The following WWOX variants were observed in gnomAD, a reference collection of about 807,000 sequenced individuals.
WWOX encodes the protein WW domain-containing oxidoreductase.
A neutral mutation model predicts 46.2 loss-of-function variants in WWOX; 69 were observed. The observed-to-expected ratio is 1.49, with a 90% confidence interval of 1.23 to 1.82. WWOX has a LOEUF of 1.82. Ranked by LOEUF, WWOX falls within the 40% of genes most tolerant of loss-of-function variation. The pLI, the probability that WWOX is intolerant of heterozygous loss-of-function variation, is 0.00. For missense variants in WWOX, 919 were observed against 542.6 expected (o/e 1.69, Z -6.89); for synonymous variants, 359 against 202.6 (o/e 1.77, Z -6.56).
intron 8 of WWOX, among the ~76,000 whole-genome samples, chr16:78,901,985 A>G (rs940412862): frequency 2.0e-5 from 3 of 152,208 alleles, no homozygotes; most frequent in African/African-American, 7.2e-5. Context: ...TAAGTGGCAG[A>G]TTTGCCTTAG....
At chr16:78,364,442 G>C (rs1442136351) in intron 5 of WWOX, among the ~76,000 whole-genome samples, 1 of 122,864 alleles carries the variant, frequency 8.1e-6, no homozygotes, top group African/African-American at 2.7e-5. Context: ...CCTGCATGTA[G>C]CTTTTCCAGG....
At chr16:78,486,098 T>G (rs970073500) in intron 8 of WWOX, among the ~76,000 whole-genome samples, 3 of 151,914 alleles carry the variant, frequency 2.0e-5, no homozygotes, top group Non-Finnish European at 4.4e-5. Flanking sequence ...TGTGAGGGGG[T>G]GTGTGGTGGT....
intron 5 of WWOX, among the ~76,000 whole-genome samples, chr16:78,329,584 C>T (rs750480492): frequency 9.2e-5 from 14 of 152,158 alleles, no homozygotes; most frequent in Non-Finnish European, 1.8e-4. Context: ...TGGCATCTGG[C>T]AATGTCCCCA....
At chr16:78,171,173 G>A (rs2035146811) in intron 5 of WWOX, among the ~76,000 whole-genome samples, 1 of 152,116 alleles carries the variant, frequency 6.6e-6, no homozygotes, top group Admixed American at 6.5e-5. Context: ...TGACACCTGT[G>A]TTTTCATTTT....
chr16:78,793,487 C>T (rs532907697), intron 8 of WWOX, among the ~76,000 whole-genome samples: 1 of 152,132 alleles, frequency 6.6e-6, no homozygotes, highest in South Asian at 2.1e-4. Flanking sequence ...TTCCAGAGAC[C>T]CAGATATGGC....
chr16:78,818,385 C>G (rs985647460), intron 8 of WWOX, among the ~76,000 whole-genome samples: 11 of 152,242 alleles, frequency 7.2e-5, no homozygotes, highest in Admixed American at 7.2e-4. Flanking sequence ...TGTTCTACCA[C>G]CTTCATTGAC....
chr16:78,505,616 C>A (rs897366008), intron 8 of WWOX, among the ~76,000 whole-genome samples: 5 of 152,142 alleles, frequency 3.3e-5, no homozygotes, highest in African/African-American at 1.2e-4. Context: ...ACCAAAAAAT[C>A]ACGCTTCTGG....
intron 8 of WWOX, among the ~76,000 whole-genome samples, chr16:79,005,161 C>G (rs898845385): frequency 1.3e-5 from 2 of 152,074 alleles, no homozygotes; most frequent in Non-Finnish European, 2.9e-5. Flanking sequence ...CTTTTGCTTG[C>G]CTTGTGCTTT....
intron 8 of WWOX, among the ~76,000 whole-genome samples, chr16:78,780,733 G>A (rs1458330910): frequency 6.6e-6 from 1 of 152,174 alleles, no homozygotes; most frequent in Non-Finnish European, 1.5e-5. Flanking sequence ...AGGCAGAAAG[G>A]AGCTCAGCCT....
intron 8 of WWOX, among the ~76,000 whole-genome samples, chr16:78,629,560 C>T (rs1238170458): frequency 2.0e-5 from 3 of 152,286 alleles, no homozygotes; most frequent in Non-Finnish European, 2.9e-5. Context: ...TAACAAAATC[C>T]TTTCCAGGGC....
chr16:78,585,788 G>C (rs141550172), intron 8 of WWOX, among the ~76,000 whole-genome samples: 234 of 151,904 alleles, frequency 1.5e-3, no homozygotes, highest in African/African-American at 5.2e-3. Flanking sequence ...GCAGGGGGCA[G>C]ATTCCCGTAT....
chr16:78,642,876 C>T (rs1042977084), intron 8 of WWOX, among the ~76,000 whole-genome samples: 1 of 152,102 alleles, frequency 6.6e-6, no homozygotes, highest in Non-Finnish European at 1.5e-5. Context: ...TTCTGGAATC[C>T]TACTGCCAAA....
Position 78,432,487 on chromosome 16 carries a change from G to C in WWOX, c.792-1G>C, listed in dbSNP as rs760237363. 1 of 1,597,564 alleles carries C rather than the reference G, an allele frequency of 6.3e-7. No individual in the cohort carries two copies. The highest frequency in any genetic ancestry group is 1.1e-5 in the South Asian group (1 of 90,688). Reference sequence around the variant, plus strand: ...TTCATGTCATATTTCCTATTTTTAAGATTTACAGATATTAACGACTCCTTG... The same window carrying C: ...TTCATGTCATATTTCCTATTTTTAACATTTACAGATATTAACGACTCCTTG... On this transcript the variant is annotated splice_acceptor_variant, in intron 7 of 8. Coordinates refer to ENST00000566780, the MANE Select transcript of WWOX (RefSeq NM_016373.4). LOFTEE classifies it high-confidence loss of function.
At chr16:78,713,073 C>A (rs530208636) in intron 8 of WWOX, among the ~76,000 whole-genome samples, 39 of 151,780 alleles carry the variant, frequency 2.6e-4, no homozygotes, top group African/African-American at 8.7e-4. Flanking sequence ...AGATCGAGAC[C>A]AGCCAGGGTA....
At chr16:78,124,027 G>A (rs985533715) in intron 4 of WWOX, 1 of 152,036 alleles carries the variant, frequency 6.6e-6, no homozygotes, top group Non-Finnish European at 1.5e-5. Flanking sequence ...TATGGTTTGA[G>A]GCAGCCCATT....
At chr16:78,663,354 A>G (rs544642799) in intron 8 of WWOX, among the ~76,000 whole-genome samples, 1 of 152,344 alleles carries the variant, frequency 6.6e-6, no homozygotes, top group South Asian at 2.1e-4. Flanking sequence ...TCTAACTAAT[A>G]CTTCATCCCC....
chr16:78,682,297 T>G (rs1338844833), intron 8 of WWOX, among the ~76,000 whole-genome samples: 2 of 152,334 alleles, frequency 1.3e-5, no homozygotes, highest in South Asian at 4.1e-4. Context: ...TTTAAAATAC[T>G]TGGTAGTTTA....
At chr16:78,546,306 G>A (rs891069704) in intron 8 of WWOX, among the ~76,000 whole-genome samples, 15 of 152,132 alleles carry the variant, frequency 9.9e-5, no homozygotes, top group Non-Finnish European at 1.9e-4. Flanking sequence ...GGCAGGAGAA[G>A]GCTTGGGACC....
At chr16:78,638,597 C>G (rs2550619) in intron 8 of WWOX, among the ~76,000 whole-genome samples, 66,808 of 152,082 alleles carry the variant, frequency 0.44, 17,206 homozygotes, top group Middle Eastern at 0.62. Flanking sequence ...AGCAGTGCCA[C>G]TTGACACCAG....
Sources: gnomAD v4.1 joint callset for allele counts (sites outside exome capture counted in the v4.1 genomes callset) on GRCh38, gnomAD v4.1.1 for gene constraint, MANE v1.5 for transcripts, NCBI Gene and HGNC (gene_info 2026-07-23, HGNC 2026-07-21) for gene names.